TCF12: variants seen among roughly 807,000 people sequenced by gnomAD.
The protein encoded by TCF12 is DNA-binding protein HTF4.
In TCF12, 45 loss-of-function variants were observed where a neutral mutation model predicts 86.0. That is an observed-to-expected ratio of 0.52 (90% CI 0.41 to 0.67). The LOEUF is 0.67. Ranked by LOEUF, TCF12 falls within the 30% of genes least tolerant of loss-of-function variation. The pLI, the probability that TCF12 is intolerant of heterozygous loss-of-function variation, is 0.00. For missense variants in TCF12, 881 were observed against 859.9 expected (o/e 1.02, Z -0.31); for synonymous variants, 330 against 299.6 (o/e 1.10, Z -1.05).
chr15:57,141,876 T>C (rs558102214), intron 5 of TCF12, among the ~76,000 whole-genome samples: 1 of 152,242 alleles, frequency 6.6e-6, no homozygotes, highest in Non-Finnish European at 1.5e-5. Flanking sequence ...AGCTAGATTA[T>C]GGAAAGGTTA....
chr15:56,948,517 C>G (rs538109520), intron 3 of TCF12, among the ~76,000 whole-genome samples: 1 of 152,210 alleles, frequency 6.6e-6, no homozygotes, highest in South Asian at 2.1e-4. Context: ...TAAAACAGTC[C>G]TTTAAAAACA....
chr15:57,263,670 C>G (rs1315049110), intron 18 of TCF12, among the ~76,000 whole-genome samples: 1 of 152,110 alleles, frequency 6.6e-6, no homozygotes, highest in Non-Finnish European at 1.5e-5. Context: ...GGTATATATT[C>G]TAAGAAATGC....
intron 3 of TCF12, among the ~76,000 whole-genome samples, chr15:57,020,975 A>T (rs1051274598): frequency 9.9e-5 from 15 of 152,152 alleles, no homozygotes; most frequent in Non-Finnish European, 2.1e-4. Context: ...GGTGAGACAT[A>T]TCACCTTTTT....
At chr15:57,115,582 ACTGT>A (rs2050782652) in intron 5 of TCF12, among the ~76,000 whole-genome samples, 2 of 152,300 alleles carry the variant, frequency 1.3e-5, no homozygotes, top group Non-Finnish European at 2.9e-5. Flanking sequence ...GAAAGGTCAT[ACTGT>A]CTATTTTTGC....
intron 8 of TCF12, among the ~76,000 whole-genome samples, chr15:57,198,904 T>G (rs1003331345): frequency 6.6e-6 from 1 of 152,336 alleles, no homozygotes; most frequent in African/African-American, 2.4e-5. Flanking sequence ...GAAGTAGAGA[T>G]ACAATCTTTT....
At chr15:56,962,591 A>G (rs2061814820) in intron 3 of TCF12, among the ~76,000 whole-genome samples, 2 of 152,322 alleles carry the variant, frequency 1.3e-5, no homozygotes, top group East Asian at 1.9e-4. Context: ...ATCAACAAAA[A>G]GCGAACCCAG....
intron 6 of TCF12, among the ~76,000 whole-genome samples, chr15:57,183,375 C>A (rs1241859344): frequency 6.6e-6 from 1 of 152,132 alleles, no homozygotes; most frequent in Non-Finnish European, 1.5e-5. Flanking sequence ...TGACATTTTC[C>A]TATTTATTCT....
chr15:57,241,995 GA>G (rs1248013928), intron 12 of TCF12, among the ~76,000 whole-genome samples: 12 of 148,652 alleles, frequency 8.1e-5, no homozygotes, highest in African/African-American at 2.0e-4. Flanking sequence ...CCATCTCAGG[GA>G]AAAAAAAAAT....
intron 13 of TCF12, among the ~76,000 whole-genome samples, chr15:57,246,222 C>T (rs750166333): frequency 1.3e-5 from 2 of 152,132 alleles, no homozygotes; most frequent in African/African-American, 4.8e-5. Flanking sequence ...AAGATAGATA[C>T]ACAGGTGCAG....
At chr15:57,198,837 A>G (rs1477066807) in intron 8 of TCF12, among the ~76,000 whole-genome samples, 1 of 152,198 alleles carries the variant, frequency 6.6e-6, no homozygotes, top group Non-Finnish European at 1.5e-5. Context: ...CCGGCTTGGC[A>G]AGTAGTAATC....
At chr15:57,085,378 G>A (rs903589624) in intron 4 of TCF12, among the ~76,000 whole-genome samples, 13 of 152,174 alleles carry the variant, frequency 8.5e-5, no homozygotes, top group Admixed American at 1.3e-4. Flanking sequence ...AGCTGTTTCC[G>A]ATGTAGACCT....
intron 3 of TCF12, among the ~76,000 whole-genome samples, chr15:57,062,235 C>T (rs1168211608): frequency 1.3e-5 from 2 of 152,060 alleles, no homozygotes; most frequent in Admixed American, 6.6e-5. Flanking sequence ...GGATTACAGG[C>T]GTGAGCCACG....
At chr15:57,207,469 G>C (rs1370851892) in intron 8 of TCF12, among the ~76,000 whole-genome samples, 2 of 152,120 alleles carry the variant, frequency 1.3e-5, no homozygotes, top group Non-Finnish European at 2.9e-5. Flanking sequence ...TCAGGAGTTT[G>C]AGGCCAGTCT....
chr15:57,049,266 T>C (rs1179374400), intron 3 of TCF12, among the ~76,000 whole-genome samples: 1 of 152,204 alleles, frequency 6.6e-6, no homozygotes, highest in African/African-American at 2.4e-5. Flanking sequence ...AACTCATAGG[T>C]TGAGCATGAG....
chr15:57,256,254 T>C (rs1177447677), intron 16 of TCF12, among the ~76,000 whole-genome samples: 1 of 152,206 alleles, frequency 6.6e-6, no homozygotes, highest in Non-Finnish European at 1.5e-5. Flanking sequence ...CGCAGAGTCT[T>C]AGGCATGTTA....
At chr15:56,977,545 C>CTG (rs762522296) in intron 3 of TCF12, among the ~76,000 whole-genome samples, 1,757 of 148,196 alleles carry the variant, frequency 0.012, 12 homozygotes, top group Non-Finnish European at 0.013. Context: ...ATTCGATATT[C>CTG]TGTGTGTGTG....
In TCF12 at chr15:56,958,064, T is replaced by C. The variant is rs1251993594; in HGVS notation, c.148+36966T>C. On this transcript the variant is annotated intron_variant, in intron 3 of 20. Transcript: ENST00000333725. The stretch of plus-strand genomic sequence containing the variant: ...CTTGGCACTGGTACCTTTTATCTTT[T>C]AGAGTTATTCAGTCTCTAGCTTCAG... 6.6e-5 allele frequency among the ~76,000 whole-genome samples: 10 copies of C among 152,338 alleles called. 1 individual carries two copies. Among genetic ancestry groups the C allele is most frequent in the Admixed American group, 5.9e-4 (9 of 15,310 alleles).
Position 57,144,399 on chromosome 15 carries a change from C to G in TCF12, c.326-22003C>G, listed in dbSNP as rs528261139. Among the ~76,000 whole-genome samples, 125 of 152,316 alleles carry G rather than the reference C, an allele frequency of 8.2e-4. 2 individuals carry two copies. The South Asian group carries it at 0.025, about 31-fold the overall frequency. ...GACCAGAACAGGGCGTATTCCTGAA[C>G]TTACTTGAAAATAATTTGATGACAT... On this transcript the variant is annotated intron_variant, in intron 5 of 20. Coordinates refer to ENST00000333725, the MANE Select transcript of TCF12 (RefSeq NM_207037.2).
chr15:57,164,671 A>T (rs1481242303), intron 5 of TCF12, among the ~76,000 whole-genome samples: 1 of 151,136 alleles, frequency 6.6e-6, no homozygotes, highest in African/African-American at 2.4e-5. Context: ...CACAATAAGA[A>T]TTTTTTTTTC....
Sources: allele counts gnomAD v4.1 joint callset (sites outside exome capture counted in the v4.1 genomes callset), GRCh38; gene constraint gnomAD v4.1.1; transcripts MANE v1.5; gene names NCBI Gene and HGNC (gene_info 2026-07-23, HGNC 2026-07-21).